The following RBFOX1 variants were observed in gnomAD, a reference collection of about 807,000 sequenced individuals.
RBFOX1 encodes the protein RNA binding protein fox-1 homolog 1.
In RBFOX1, 8 loss-of-function variants were observed where a neutral mutation model predicts 57.7. That is an observed-to-expected ratio of 0.14 (90% CI 0.08 to 0.25). RBFOX1 has a LOEUF of 0.25. Among genes scored for constraint, RBFOX1 ranks in the 10% least tolerant of loss-of-function variants. RBFOX1 has a pLI of 1.00. For synonymous variants in RBFOX1, 326 were observed against 222.4 expected (o/e 1.47, Z -4.15); for missense variants, 611 against 548.5 (o/e 1.11, Z -1.14).
At chr16:5,241,349 C>G (rs558798036) in intron 1 of RBFOX1, among the ~76,000 whole-genome samples, 1 of 150,390 alleles carries the variant, frequency 6.6e-6, no homozygotes, top group South Asian at 2.1e-4. Flanking sequence ...GGGCCGATCA[C>G]GGAAAGGATG....
intron 4 of RBFOX1, among the ~76,000 whole-genome samples, chr16:5,949,049 G>T (rs1057159924): frequency 6.6e-6 from 1 of 152,028 alleles, no homozygotes; most frequent in Non-Finnish European, 1.5e-5. Flanking sequence ...ATTATGGGGG[G>T]TGTACTCTTT....
chr16:7,567,722 AT>A (rs2092231560), intron 5 of RBFOX1, among the ~76,000 whole-genome samples: 4 of 79,934 alleles, frequency 5.0e-5, no homozygotes, highest in Non-Finnish European at 8.1e-5. Context: ...ATATATATAT[AT>A]CCCTATATAT....
chr16:6,281,194 A>C (rs192187859), intron 1 of RBFOX1, among the ~76,000 whole-genome samples: 132 of 152,134 alleles, frequency 8.7e-4, no homozygotes, highest in African/African-American at 2.6e-3. Context: ...TGTGCAGCCA[A>C]CTTTCAGAGG....
At chr16:5,645,198 A>C (rs1485875365) in intron 3 of RBFOX1, among the ~76,000 whole-genome samples, 1 of 152,090 alleles carries the variant, frequency 6.6e-6, no homozygotes, top group Non-Finnish European at 1.5e-5. Context: ...GCAGTGAGCC[A>C]AGATCGTGAC....
chr16:5,647,180 T>C (rs550238390), intron 3 of RBFOX1, among the ~76,000 whole-genome samples: 1 of 152,272 alleles, frequency 6.6e-6, no homozygotes, highest in South Asian at 2.1e-4. Flanking sequence ...GTGGGTGGCA[T>C]GTGCACCGTT....
At chr16:5,531,531 G>A (rs1458499268) in intron 2 of RBFOX1, among the ~76,000 whole-genome samples, 1 of 152,156 alleles carries the variant, frequency 6.6e-6, no homozygotes. Context: ...GAAAAAATGT[G>A]TTTGAGCCTT....
intron 3 of RBFOX1, among the ~76,000 whole-genome samples, chr16:6,793,493 G>C (rs1429490544): frequency 2.0e-5 from 3 of 152,138 alleles, no homozygotes; most frequent in Non-Finnish European, 4.4e-5. Flanking sequence ...GTATTCCTGA[G>C]TGTTTTGACA....
intron 3 of RBFOX1, among the ~76,000 whole-genome samples, chr16:6,923,132 G>T (rs1428917931): frequency 6.6e-6 from 1 of 152,186 alleles, no homozygotes; most frequent in Non-Finnish European, 1.5e-5. Context: ...AAGGAGATAG[G>T]AAAGCAGCTG....
intron 5 of RBFOX1, among the ~76,000 whole-genome samples, chr16:7,564,407 A>T (rs1050594863): frequency 6.6e-6 from 1 of 151,888 alleles, no homozygotes; most frequent in African/African-American, 2.4e-5. Context: ...GCGTGGTGGC[A>T]CCAGACACCT....
chr16:6,010,136 T>C (rs1290391486), intron 4 of RBFOX1, among the ~76,000 whole-genome samples: 1 of 152,134 alleles, frequency 6.6e-6, no homozygotes, highest in Non-Finnish European at 1.5e-5. Context: ...CCACACCTCG[T>C]ATCCCCAGGT....
At chr16:5,771,499 C>T (rs1234190672) in intron 3 of RBFOX1, among the ~76,000 whole-genome samples, 1 of 152,192 alleles carries the variant, frequency 6.6e-6, no homozygotes, top group African/African-American at 2.4e-5. Flanking sequence ...GCTTCTGCCT[C>T]CTGGGTTCAC....
At chr16:6,017,903 T>G (rs1320240706), upstream of RBFOX1, among the ~76,000 whole-genome samples, 1 of 152,102 alleles carries the variant, frequency 6.6e-6, no homozygotes, top group Non-Finnish European at 1.5e-5. Context: ...ATGGTATAAG[T>G]GCAAACACAG....
At chr16:6,361,171 A>G (rs972035281) in intron 2 of RBFOX1, among the ~76,000 whole-genome samples, 10 of 152,120 alleles carry the variant, frequency 6.6e-5, no homozygotes, top group African/African-American at 2.2e-4. Context: ...ATGTGTCTCA[A>G]TCACTGAAAC....
chr16:5,357,358 C>G (rs1640262015), intron 1 of RBFOX1, among the ~76,000 whole-genome samples: 2 of 152,168 alleles, frequency 1.3e-5, no homozygotes, highest in South Asian at 4.1e-4. Context: ...AGAAAAAGAA[C>G]CACCTCTTGC....
At chr16:6,741,962 A>G (rs1388616168) in intron 3 of RBFOX1, among the ~76,000 whole-genome samples, 1 of 152,184 alleles carries the variant, frequency 6.6e-6, no homozygotes, top group Admixed American at 6.5e-5. Context: ...TATATTCTTG[A>G]AAATCATTAA....
intron 4 of RBFOX1, among the ~76,000 whole-genome samples, chr16:7,145,873 C>G (rs1046699141): frequency 9.9e-5 from 15 of 152,122 alleles, no homozygotes; most frequent in African/African-American, 1.4e-4. Context: ...TCATATACAG[C>G]CTAGTTCTCT....
chr16:5,655,779 T>G (rs2049407295), intron 3 of RBFOX1, among the ~76,000 whole-genome samples: 1 of 152,242 alleles, frequency 6.6e-6, no homozygotes, highest in Non-Finnish European at 1.5e-5. Context: ...GCCCTACACT[T>G]TGACTTTGCC....
At chr16:5,759,950 C>T (rs893389517) in intron 3 of RBFOX1, among the ~76,000 whole-genome samples, 9 of 151,324 alleles carry the variant, frequency 5.9e-5, no homozygotes, top group African/African-American at 2.2e-4. Flanking sequence ...ATTTCAACTG[C>T]ACTGAAAATG....
At chr16:7,187,416 A>G (rs28721474) in intron 4 of RBFOX1, among the ~76,000 whole-genome samples, 39,797 of 151,720 alleles carry the variant, frequency 0.26, 6,070 homozygotes, top group African/African-American at 0.41. Flanking sequence ...TTGGCCAGGC[A>G]CGGTGGCTCA....
Sources: gnomAD v4.1 joint callset for allele counts (sites outside exome capture counted in the v4.1 genomes callset) on GRCh38, gnomAD v4.1.1 for gene constraint, MANE v1.5 for transcripts, NCBI Gene and HGNC (gene_info 2026-07-23, HGNC 2026-07-21) for gene names.